CCSER1: variants seen among roughly 807,000 people sequenced by gnomAD.
CCSER1 encodes coiled-coil serine rich protein 1, also known as serine-rich coiled-coil domain-containing protein 1.
In CCSER1, 41 loss-of-function variants were observed where a neutral mutation model predicts 82.0. That is an observed-to-expected ratio of 0.50 (90% confidence interval 0.39 to 0.65). CCSER1 has a LOEUF of 0.65. CCSER1 is among the 30% of genes least tolerant of loss of function. The probability of loss-of-function intolerance (pLI) is 0.00; values close to 1 mark genes in which losing one functional copy is unlikely to be tolerated. For missense variants in CCSER1, 1,119 were observed against 1,064.2 expected, an observed-to-expected ratio of 1.05 and a Z score of -0.72; for synonymous variants, 414 against 383.9, an observed-to-expected ratio of 1.08 and a Z score of -0.92.
intron 10 of CCSER1, among the ~76,000 whole-genome samples, chr4:91,497,386 T>G (rs931586409): frequency 1.3e-5 from 2 of 151,760 alleles, no homozygotes; most frequent in Non-Finnish European, 2.9e-5. Flanking sequence ...GTCCACATTT[T>G]TATTTTTAGG....
chr4:90,399,161 T>TTA (rs764356284), intron 3 of CCSER1, among the ~76,000 whole-genome samples: 1 of 152,068 alleles, frequency 6.6e-6, no homozygotes, highest in Non-Finnish European at 1.5e-5. Context: ...TATCACCCAT[T>TTA]TATATATATA....
At chr4:90,746,264 T>C (rs1291743501) in intron 7 of CCSER1, among the ~76,000 whole-genome samples, 1 of 152,200 alleles carries the variant, frequency 6.6e-6, no homozygotes, top group Non-Finnish European at 1.5e-5. Context: ...ATAGAACCAG[T>C]ACATAGTATA....
Position 90,525,704 on chromosome 4 carries a change from G to GC in CCSER1, c.1724+57351dup, listed in dbSNP as rs546940238. Among the ~76,000 whole-genome samples, 7 of 152,162 alleles carry GC rather than the reference G, an allele frequency of 4.6e-5. No individual in the cohort carries two copies. The South Asian group carries it at 1.2e-3, about 27-fold the overall frequency. On this transcript the variant is annotated intron_variant, in intron 5 of 10. Coordinates refer to ENST00000509176, the MANE Select transcript of CCSER1 (RefSeq NM_001145065.2). ...CATCAAAGGCTGGAGTGCAGTGGCA[G>GC]CATCACTGCTCACAGCAGTCCGTAA...
intron 7 of CCSER1, among the ~76,000 whole-genome samples, chr4:90,725,371 T>A (rs1398953584): frequency 5.9e-5 from 9 of 151,576 alleles, no homozygotes; most frequent in Admixed American, 5.9e-4. Flanking sequence ...ATAATTAGTT[T>A]CTCTAACTGG....
intron 7 of CCSER1, among the ~76,000 whole-genome samples, chr4:90,731,675 T>C (rs1219830312): frequency 6.6e-6 from 1 of 152,198 alleles, no homozygotes; most frequent in Admixed American, 6.5e-5. Context: ...GGCATCATTG[T>C]GGTTCTCTAA....
At chr4:90,357,938 T>C (rs1230136884) in intron 3 of CCSER1, among the ~76,000 whole-genome samples, 1 of 151,944 alleles carries the variant, frequency 6.6e-6, no homozygotes, top group Non-Finnish European at 1.5e-5. Flanking sequence ...AAAAAATAGT[T>C]ACTCCTGTCC....
intron 10 of CCSER1, among the ~76,000 whole-genome samples, chr4:91,354,232 A>AT (rs1036566177): frequency 5.9e-5 from 9 of 152,072 alleles, no homozygotes; most frequent in African/African-American, 9.7e-5. Context: ...ATATTGTATG[A>AT]TTTTTTCAGG....
chr4:90,523,054 C>T (rs771847997), intron 5 of CCSER1, among the ~76,000 whole-genome samples: 3 of 151,950 alleles, frequency 2.0e-5, no homozygotes, highest in Non-Finnish European at 4.4e-5. Context: ...AGATTAGGGA[C>T]ATTAAAAGAA....
chr4:90,455,710 G>A (rs1231730669), intron 4 of CCSER1, among the ~76,000 whole-genome samples: 1 of 152,168 alleles, frequency 6.6e-6, no homozygotes. Flanking sequence ...ATACCCAACA[G>A]GAGTATTCAC....
intron 1 of CCSER1, among the ~76,000 whole-genome samples, chr4:90,255,072 TC>T: frequency 6.6e-6 from 1 of 152,142 alleles, no homozygotes; most frequent in African/African-American, 2.4e-5. Context: ...GTAATGGTCT[TC>T]TTTTTAATTA....
At chr4:90,246,547 T>G (rs1560870999) in intron 1 of CCSER1, among the ~76,000 whole-genome samples, 1 of 152,170 alleles carries the variant, frequency 6.6e-6, no homozygotes, top group Non-Finnish European at 1.5e-5. Context: ...CTTTTTCTCC[T>G]GTTCTCAGTA....
At chr4:91,494,945 A>C (rs1178082755) in intron 10 of CCSER1, among the ~76,000 whole-genome samples, 4 of 151,626 alleles carry the variant, frequency 2.6e-5, no homozygotes, top group Non-Finnish European at 5.9e-5. Flanking sequence ...TTCCTTACTC[A>C]AAGTGTTTGA....
chr4:91,113,668 A>G (rs1726279258), intron 10 of CCSER1, among the ~76,000 whole-genome samples: 1 of 152,120 alleles, frequency 6.6e-6, no homozygotes, highest in South Asian at 2.1e-4. Context: ...CTATCTAGGC[A>G]CTCACACATA....
At chr4:90,648,380 A>G (rs1728114990) in intron 6 of CCSER1, among the ~76,000 whole-genome samples, 1 of 152,096 alleles carries the variant, frequency 6.6e-6, no homozygotes, top group African/African-American at 2.4e-5. Context: ...AGTTCCTGGT[A>G]TTCAAAAAAT....
chr4:90,993,126 CTCTG>C (rs1444205067), intron 9 of CCSER1, among the ~76,000 whole-genome samples: 1 of 152,216 alleles, frequency 6.6e-6, no homozygotes, highest in Non-Finnish European at 1.5e-5. Context: ...GTCCCAGCCT[CTCTG>C]TCTATCCTAA....
intron 7 of CCSER1, among the ~76,000 whole-genome samples, chr4:90,793,383 G>C (rs913840465): frequency 2.0e-5 from 3 of 152,128 alleles, no homozygotes; most frequent in African/African-American, 7.2e-5. Flanking sequence ...CCCACTATGT[G>C]TCCATGTGTT....
intron 8 of CCSER1, among the ~76,000 whole-genome samples, chr4:90,840,001 TATATAA>T (rs1350348073): frequency 1.3e-5 from 2 of 151,996 alleles, no homozygotes; most frequent in African/African-American, 2.4e-5. Flanking sequence ...ACTGTGTAAT[TATATAA>T]ATATAATCAA....
At chr4:90,527,906 C>T (rs1773991784) in intron 5 of CCSER1, among the ~76,000 whole-genome samples, 1 of 152,078 alleles carries the variant, frequency 6.6e-6, no homozygotes, top group Non-Finnish European at 1.5e-5. Flanking sequence ...GGCAGGAATA[C>T]ATACTATTCC....
chr4:91,021,952 T>A (rs1159238020), intron 9 of CCSER1, among the ~76,000 whole-genome samples: 1 of 152,164 alleles, frequency 6.6e-6, no homozygotes, highest in Non-Finnish European at 1.5e-5. Flanking sequence ...AATGATTAAA[T>A]TTTTCTAAAC....
Sources: gnomAD v4.1 joint callset for allele counts (sites outside exome capture counted in the v4.1 genomes callset) on GRCh38, gnomAD v4.1.1 for gene constraint, MANE v1.5 for transcripts, NCBI Gene and HGNC (gene_info 2026-07-23, HGNC 2026-07-21) for gene names.